The following TENM4 variants were observed in gnomAD, a reference collection of about 807,000 sequenced individuals.
The protein encoded by TENM4 is teneurin transmembrane protein 4.
In TENM4, 82 loss-of-function variants were observed where a neutral mutation model predicts 243.3. The ratio of observed to expected loss-of-function variants is 0.34; its 90% CI spans 0.28 to 0.40. The LOEUF (loss-of-function observed/expected upper bound fraction) is 0.40, where lower values mean the gene tolerates loss of function less well. Ranked by LOEUF, TENM4 falls within the 10% of genes least tolerant of loss-of-function variation. TENM4 has a pLI of 1.00. For missense variants in TENM4, 3,138 were observed against 3,673.3 expected, an observed-to-expected ratio of 0.85 and a Z score of 3.77; for synonymous variants, 1,412 against 1,456.3, an observed-to-expected ratio of 0.97 and a Z score of 0.69.
chr11:79,165,730 G>A (rs1290150657), intron 3 of TENM4, among the ~76,000 whole-genome samples: 1 of 152,130 alleles, frequency 6.6e-6, no homozygotes, highest in Non-Finnish European at 1.5e-5. Context: ...GTATCTAGAA[G>A]GGTTTTTCCA....
chr11:78,811,569 A>AACACACACATAC (rs1555083999), intron 14 of TENM4, among the ~76,000 whole-genome samples: 796 of 65,110 alleles, frequency 0.012, 5 homozygotes, highest in Middle Eastern at 0.038. Flanking sequence ...CATACACATG[A>AACACACACATAC]ACACACACAC....
At chr11:78,926,275 CT>C (rs34301647) in intron 6 of TENM4, among the ~76,000 whole-genome samples, 1,505 of 127,300 alleles carry the variant, frequency 0.012, 33 homozygotes, top group African/African-American at 0.04. Flanking sequence ...AAAGAACTGA[CT>C]TTTTTTTTTT....
At chr11:79,210,681 G>C (rs185631956) in intron 3 of TENM4, among the ~76,000 whole-genome samples, 23 of 152,236 alleles carry the variant, frequency 1.5e-4, no homozygotes, top group African/African-American at 5.5e-4. Flanking sequence ...TCTGAAAATG[G>C]GGAAAACACC....
At position 78,658,133 on chromosome 11, in the gene TENM4, G is replaced by T. The variant is rs193109853; in HGVS notation, c.8235C>A (p.Val2745=). The part of the protein sequence containing the change: ...QGYDGFFVIS[V]EQYPELSDSA... ...TGTCTGACAGTTCTGGGTACTGCTC[G>T]ACAGAGATCACGAAAAAGCCGTCGT... Residue 2745 remains valine (V), a synonymous_variant, in exon 34 of 34, where the codon GTC becomes GTA. Coordinates refer to ENST00000278550, the MANE Select transcript of TENM4 (RefSeq NM_001098816.3). The T allele has an allele frequency of 7.4e-6, 12 of 1,614,020 alleles. No homozygotes were observed. In the East Asian group the frequency reaches 2.7e-4, roughly 36 times the overall value.
At chr11:79,316,193 T>C (rs1856799803) in intron 1 of TENM4, among the ~76,000 whole-genome samples, 1 of 151,918 alleles carries the variant, frequency 6.6e-6, no homozygotes, top group East Asian at 1.9e-4. Flanking sequence ...GGGTTATAGG[T>C]TGATACAAAA....
intron 1 of TENM4, among the ~76,000 whole-genome samples, chr11:79,313,102 A>C (rs1031785498): frequency 2.6e-5 from 4 of 152,200 alleles, no homozygotes; most frequent in African/African-American, 9.7e-5. Context: ...ATCTTGCATC[A>C]TACTTCTCCG....
At chr11:79,371,589 G>T (rs1201329781) in intron 1 of TENM4, among the ~76,000 whole-genome samples, 1 of 152,160 alleles carries the variant, frequency 6.6e-6, no homozygotes, top group African/African-American at 2.4e-5. Context: ...TGAAGAGTTT[G>T]CCCTTCACAA....
chr11:78,844,588 A>T (rs1858342750), intron 12 of TENM4, among the ~76,000 whole-genome samples: 1 of 151,962 alleles, frequency 6.6e-6, no homozygotes, highest in Non-Finnish European at 1.5e-5. Flanking sequence ...TTTGCAGTGA[A>T]CCAAGATTGC....
chr11:79,103,446 G>C (rs1861283414), intron 4 of TENM4, among the ~76,000 whole-genome samples: 1 of 152,120 alleles, frequency 6.6e-6, no homozygotes, highest in East Asian at 1.9e-4. Context: ...TCAGTCCACT[G>C]TTGTGGGCCC....
chr11:78,800,206 C>T (rs115629942), intron 15 of TENM4, among the ~76,000 whole-genome samples: 1,857 of 152,258 alleles, frequency 0.012, 53 homozygotes, highest in African/African-American at 0.043. Context: ...AACTAAAGCA[C>T]AAGGAAGGGG....
chr11:79,340,889 GTTACC>G (rs1399719343), intron 1 of TENM4, among the ~76,000 whole-genome samples: 1 of 152,158 alleles, frequency 6.6e-6, no homozygotes, highest in Non-Finnish European at 1.5e-5. Flanking sequence ...CTATAAGTAT[GTTACC>G]TTACATGGTA....
At chr11:79,022,457 C>T (rs1320443956) in intron 6 of TENM4, among the ~76,000 whole-genome samples, 1 of 152,114 alleles carries the variant, frequency 6.6e-6, no homozygotes, top group Non-Finnish European at 1.5e-5. Context: ...TGATTAAAGG[C>T]AAACAAGATA....
intron 2 of TENM4, among the ~76,000 whole-genome samples, chr11:79,295,677 G>C (rs1174754739): frequency 6.6e-6 from 1 of 152,092 alleles, no homozygotes; most frequent in African/African-American, 2.4e-5. Context: ...AGGGGAAAAG[G>C]CTTTGGAGAG....
intron 6 of TENM4, among the ~76,000 whole-genome samples, chr11:78,944,188 A>G (rs1303040883): frequency 6.6e-6 from 1 of 152,194 alleles, no homozygotes; most frequent in Non-Finnish European, 1.5e-5. Flanking sequence ...GGGATGAACT[A>G]GCTGACATGT....
At chr11:79,371,433 C>A (rs144419572) in intron 1 of TENM4, among the ~76,000 whole-genome samples, 1 of 152,134 alleles carries the variant, frequency 6.6e-6, no homozygotes, top group Non-Finnish European at 1.5e-5. Context: ...AAAAAAAAAT[C>A]ACCTCTACCA....
intron 14 of TENM4, among the ~76,000 whole-genome samples, chr11:78,809,906 A>G (rs182778921): frequency 4.6e-5 from 7 of 152,118 alleles, no homozygotes; most frequent in African/African-American, 1.7e-4. Flanking sequence ...GCTATTAGAC[A>G]CTCTGCAGGA....
In TENM4 at chr11:78,903,257, C is replaced by A. The variant is rs772626482; in HGVS notation, c.749+11G>T. 2 of 1,488,266 alleles carry A rather than the reference C, an allele frequency of 1.3e-6. No individual in the cohort carries two copies. The highest frequency in any genetic ancestry group is 2.7e-5 in the East Asian group (1 of 37,290). The allele number at this position is 1,488,266 out of a possible 1,614,324, so 92.2% of individuals were successfully genotyped here. A position where few individuals can be genotyped will look rare whatever the true frequency, so the allele number is the denominator to read the frequency against. On this transcript the variant is annotated intron_variant, in intron 7 of 33. Coordinates refer to ENST00000278550, the MANE Select transcript of TENM4 (RefSeq NM_001098816.3). ...CCCTCCTCAGCCTCACCCTCCCTAC[C>A]GGCCGCGCACCTGGTCTCCAGGGGG...
At chr11:78,947,834 C>T (rs1185845027) in intron 6 of TENM4, among the ~76,000 whole-genome samples, 1 of 152,198 alleles carries the variant, frequency 6.6e-6, no homozygotes, top group Non-Finnish European at 1.5e-5. Context: ...GCTGAAGTTC[C>T]CTCCATGCCC....
intron 1 of TENM4, among the ~76,000 whole-genome samples, chr11:79,394,379 T>A (rs569243708): frequency 6.6e-6 from 1 of 152,290 alleles, no homozygotes; most frequent in Admixed American, 6.5e-5. Flanking sequence ...GAGTTGGAAG[T>A]CCCAGCTTCA....
Sources: gnomAD v4.1 joint callset for allele counts (sites outside exome capture counted in the v4.1 genomes callset) on GRCh38, gnomAD v4.1.1 for gene constraint, MANE v1.5 for transcripts, NCBI Gene and HGNC (gene_info 2026-07-23, HGNC 2026-07-21) for gene names.